Variants in HIVEP1 observed in about 807,000 individuals in gnomAD.
HIVEP1 encodes zinc finger protein 40.
Under a neutral mutation model 180.0 loss-of-function variants are expected in HIVEP1, and 36 were observed. The ratio of observed to expected loss-of-function variants is 0.20; its 90% CI spans 0.15 to 0.26. The LOEUF (loss-of-function observed/expected upper bound fraction) is 0.26, where lower values mean the gene tolerates loss of function less well. Among genes scored for constraint, HIVEP1 ranks in the 10% least tolerant of loss-of-function variants. The pLI is 1.00. For synonymous variants in HIVEP1, 1,239 were observed against 1,239.0 expected, an observed-to-expected ratio of 1.00 and a Z score of 0.00; for missense variants, 3,143 against 3,268.7, an observed-to-expected ratio of 0.96 and a Z score of 0.94.
At chr6:12,161,306 G>T (rs116064977) in intron 7 of HIVEP1, 133 bp from the exon 8 acceptor site, 6 of 818,166 alleles carry the variant, frequency 7.3e-6, no homozygotes, top group Non-Finnish European at 1.2e-5. Flanking sequence ...CAGCCAGGGC[G>T]GAGGCTCGTT....
At chr6:12,138,144 T>C (rs984496868) in intron 7 of HIVEP1, among the ~76,000 whole-genome samples, 1 of 152,200 alleles carries the variant, frequency 6.6e-6, no homozygotes, top group African/African-American at 2.4e-5. Flanking sequence ...TAGTATGTGA[T>C]TTTATGTTTG....
At chr6:12,199,853 G>T in the HIVEP1 span, among the ~76,000 whole-genome samples, 1 of 152,150 alleles carries the variant, frequency 6.6e-6, no homozygotes, top group Non-Finnish European at 1.5e-5. Flanking sequence ...CTAAATCAGG[G>T]TTGTGCTGGT....
At chr6:12,156,280 T>A (rs1714542704) in intron 7 of HIVEP1, among the ~76,000 whole-genome samples, 3 of 152,112 alleles carry the variant, frequency 2.0e-5, no homozygotes, top group African/African-American at 7.2e-5. Flanking sequence ...ATTTTTCCTT[T>A]TGGTGTTTTC....
At chr6:12,156,569 A>G (rs974674040) in intron 7 of HIVEP1, among the ~76,000 whole-genome samples, 15 of 151,846 alleles carry the variant, frequency 9.9e-5, no homozygotes, top group African/African-American at 3.4e-4. Flanking sequence ...TGAGTTCTCT[A>G]TTTTGTTCCG....
At chr6:12,014,799 C>G (rs933672868) in intron 1 of HIVEP1, among the ~76,000 whole-genome samples, 3 of 152,192 alleles carry the variant, frequency 2.0e-5, no homozygotes, top group African/African-American at 7.2e-5. Context: ...GCTGCAGTAA[C>G]AAATAACTCT....
intron 2 of HIVEP1, among the ~76,000 whole-genome samples, chr6:12,043,568 T>C (rs899754084): frequency 6.6e-6 from 1 of 152,068 alleles, no homozygotes; most frequent in Non-Finnish European, 1.5e-5. Flanking sequence ...GGTTTTACCA[T>C]GTTGGTCAGG....
intron 3 of HIVEP1, among the ~76,000 whole-genome samples, chr6:12,118,031 G>A (rs1035784449): frequency 6.6e-6 from 1 of 152,064 alleles, no homozygotes; most frequent in African/African-American, 2.4e-5. Flanking sequence ...ATGAGTGAGT[G>A]GATTGGAGAA....
chr6:12,148,280 C>G (rs1039449126), intron 7 of HIVEP1, among the ~76,000 whole-genome samples: 5 of 152,146 alleles, frequency 3.3e-5, no homozygotes, highest in African/African-American at 1.2e-4. Flanking sequence ...CCTGGTTCCC[C>G]CCTGCATCCT....
intron 3 of HIVEP1, among the ~76,000 whole-genome samples, chr6:12,113,197 CAG>C (rs946856290): frequency 1.3e-5 from 2 of 150,414 alleles, no homozygotes; most frequent in African/African-American, 4.9e-5. Flanking sequence ...AACAGGCAAA[CAG>C]GGCATTCTAG....
At chr6:12,193,154 T>A in the HIVEP1 span, among the ~76,000 whole-genome samples, 30 of 152,360 alleles carry the variant, frequency 2.0e-4, no homozygotes, top group Non-Finnish European at 3.2e-4. Context: ...CTTAACATAT[T>A]ATTCTTATAT....
the HIVEP1 span, among the ~76,000 whole-genome samples, chr6:12,177,683 T>A: frequency 5.3e-5 from 8 of 152,204 alleles, no homozygotes; most frequent in African/African-American, 1.7e-4. Flanking sequence ...GACAATCAAA[T>A]GTCCCTTCTT....
chr6:12,043,107 C>T (rs1019938145), intron 2 of HIVEP1, among the ~76,000 whole-genome samples: 3 of 152,194 alleles, frequency 2.0e-5, no homozygotes, highest in African/African-American at 7.2e-5. Context: ...GTGCTATACT[C>T]TTTTGACAAC....
At chr6:12,129,145 G>A (rs1758268610) in intron 4 of HIVEP1, among the ~76,000 whole-genome samples, 1 of 152,188 alleles carries the variant, frequency 6.6e-6, no homozygotes, top group Non-Finnish European at 1.5e-5. Context: ...AGGAGTTTGA[G>A]GCTGCAGTGA....
chr6:12,012,587 C>G (rs1440072091), intron 1 of HIVEP1, 21 bp downstream of exon 1: 9 of 63,044 alleles, frequency 1.4e-4, no homozygotes, highest in African/African-American at 2.8e-4. Context: ...GGCTCCGCGG[C>G]GGGGGCGCTG....
chr6:12,044,480 A>C (rs1390221827), intron 2 of HIVEP1, among the ~76,000 whole-genome samples: 1 of 152,200 alleles, frequency 6.6e-6, no homozygotes, highest in Non-Finnish European at 1.5e-5. Flanking sequence ...AAAGCAGTCA[A>C]AGCCAGCGCA....
At chr6:12,110,121 C>CTATA (rs1381952579) in intron 3 of HIVEP1, among the ~76,000 whole-genome samples, 6 of 152,218 alleles carry the variant, frequency 3.9e-5, no homozygotes, top group Admixed American at 3.9e-4. Flanking sequence ...GTAAACCATG[C>CTATA]TATAAACAGA....
intron 2 of HIVEP1, among the ~76,000 whole-genome samples, chr6:12,041,863 G>C (rs1352017695): frequency 6.6e-6 from 1 of 151,782 alleles, no homozygotes; most frequent in East Asian, 1.9e-4. Context: ...TTTTCACCGT[G>C]TTAGCTAGGA....
At chr6:12,104,755 C>T (rs11753592) in intron 3 of HIVEP1, among the ~76,000 whole-genome samples, 9 of 152,034 alleles carry the variant, frequency 5.9e-5, no homozygotes. Flanking sequence ...TTCAGTTGTT[C>T]TAATCTAAAT....
rs117030471 is a variant in HIVEP1, at chr6:12,064,579, C to G, written c.41-24605C>G. On this transcript the variant is annotated intron_variant, in intron 2 of 8. Transcript: ENST00000379388. ...ATTGTATGTATCTGCATGTGTCTGT[C>G]TGTGATTTCTACCATAGTAAAATGA... 6.6e-5 allele frequency among the ~76,000 whole-genome samples: 10 copies of G among 152,162 alleles called. No individual in the cohort carries two copies. The East Asian group carries it at 1.5e-3, about 23-fold the overall frequency.
Sources: allele counts gnomAD v4.1 joint callset (sites outside exome capture counted in the v4.1 genomes callset), GRCh38; gene constraint gnomAD v4.1.1; transcripts MANE v1.5; gene names NCBI Gene and HGNC (gene_info 2026-07-23, HGNC 2026-07-21).